SPATA21: variants seen among roughly 807,000 people sequenced by gnomAD.
The protein encoded by SPATA21 is spermatogenesis associated 21.
Under a neutral mutation model 54.8 loss-of-function variants are expected in SPATA21, and 47 were observed. That is an observed-to-expected ratio of 0.86 (90% CI 0.68 to 1.09). The LOEUF (loss-of-function observed/expected upper bound fraction) is 1.09, where lower values mean the gene tolerates loss of function less well. Ranked by LOEUF, SPATA21 falls within the 50% of genes least tolerant of loss-of-function variation. The probability of loss-of-function intolerance (pLI) is 0.00; values close to 1 mark genes in which losing one functional copy is unlikely to be tolerated. For missense variants in SPATA21, 599 were observed against 596.4 expected (o/e 1.00, Z -0.05); for synonymous variants, 245 against 235.3 (o/e 1.04, Z -0.38).
At position 16,402,889 on chromosome 1, in the gene SPATA21, ACACTT is replaced by A. The variant is rs571288973; in HGVS notation, c.1001+833_1001+837del. Among the ~76,000 whole-genome samples, 20 of 152,278 alleles carry A rather than the reference ACACTT, an allele frequency of 1.3e-4. No homozygotes were observed. The East Asian group carries it at 2.5e-3, about 19-fold the overall frequency. On this transcript the variant is annotated intron_variant, in intron 10 of 12. Transcript: ENST00000335496. ...TGCAGTGAGTCGTAATTGTATCACT[ACACTT>A]CAGCCTGGGCGACAGAGCGAGACCC...
chr1:16,421,268 T>C lies in SPATA21; in HGVS notation c.144+241A>G, dbSNP rs1438035762. On this transcript the variant is annotated intron_variant, in intron 5 of 12. Coordinates refer to ENST00000335496, the MANE Select transcript of SPATA21 (RefSeq NM_198546.1). The surrounding 1 kb of genome is among the most constrained non-coding windows in gnomAD (Gnocchi z 5.2). Reference sequence around the variant, plus strand: ...TGGGATGAACCCAAGGGCTCCAGAGTGTAAGAGCATTCTTGATGCCCACCC... The same window carrying C: ...TGGGATGAACCCAAGGGCTCCAGAGCGTAAGAGCATTCTTGATGCCCACCC... 6.6e-6 allele frequency among the ~76,000 whole-genome samples: 1 copy of C among 151,586 alleles called. No individual in the cohort carries two copies. Among genetic ancestry groups the C allele is most frequent in the East Asian group, 1.9e-4 (1 of 5,168 alleles).
In SPATA21 at chr1:16,429,704, C is replaced by A. The variant is rs180752007; in HGVS notation, c.34+1634G>T. Among the ~76,000 whole-genome samples, 1,245 of 146,996 alleles carry A rather than the reference C, an allele frequency of 8.5e-3. 10 individuals carry two copies. Among genetic ancestry groups the A allele is most frequent in the Admixed American group, 0.013 (187 of 14,798 alleles). ...GGTCAGGCTGGTCTTGAACTCCCGA[C>A]CTCAGGTGATCCACCCGCCTCGGCC... is the stretch of plus-strand genomic sequence containing the variant. On this transcript the variant is annotated intron_variant, in intron 3 of 12. Coordinates refer to ENST00000335496, the MANE Select transcript of SPATA21 (RefSeq NM_198546.1).
Position 16,405,120 on chromosome 1 carries a change from G to C in SPATA21, c.674-16C>G, listed in dbSNP as rs377295551. ...CTGCGGAAGGCTGTGGGGAGGGCAG[G>C]GTTATGTGGAGTGGGGGCATTTCTT... On this transcript the variant is annotated splice_polypyrimidine_tract_variant and intron_variant, in intron 7 of 12. Transcript: ENST00000335496. The C allele has an allele frequency of 8.1e-6, 13 of 1,596,332 alleles. No individual in the cohort carries two copies. The African/African-American group carries it at 1.6e-4, about 20-fold the overall frequency.
At chr1:16,403,935 A>G in intron 9 of SPATA21, 33 bp downstream of exon 9, 2 of 1,610,878 alleles carry the variant, frequency 1.2e-6, no homozygotes, top group Non-Finnish European at 1.7e-6. Context: ...CCCCTCCTCC[A>G]GTTCTGACTA....
At position 16,421,536 on chromosome 1, in the gene SPATA21, G is replaced by T. The variant is rs773470435; in HGVS notation, c.117C>A (p.His39Gln). The change falls in exon 5 of 13, where the codon CAC becomes CAA. Residue 39 changes from histidine (H) to glutamine (Q), a missense_variant. Physicochemically the swap from His to Gln is conservative, Grantham distance 24. Coordinates refer to ENST00000335496, the MANE Select transcript of SPATA21 (RefSeq NM_198546.1). The surrounding 1 kb of genome is among the most constrained non-coding windows in gnomAD (Gnocchi z 5.2). ...GTGGAGGAAGAGGCCCCGGTGCTGG[G>T]TGGGTCTCCACAGCCTCACCCCTGA... ...AKGGGEAVET[H>Q]PAPGPLPPPE... is the part of the protein sequence containing the mutation. 2 of 1,613,612 alleles carry T rather than the reference G, an allele frequency of 1.2e-6. No homozygotes were observed. The highest frequency in any genetic ancestry group is 1.7e-5 in the Admixed American group (1 of 59,960).
chr1:16,422,336 T>G, intron 3 of SPATA21: 71 of 663,932 alleles, frequency 1.1e-4, no homozygotes, highest in Non-Finnish European at 1.4e-4. Context: ...TTAATTCTCC[T>G]AGTGCCCCTA....
intron 5 of SPATA21, among the ~76,000 whole-genome samples, chr1:16,416,576 G>T (rs1038894617): frequency 9.9e-5 from 15 of 152,028 alleles, no homozygotes; most frequent in African/African-American, 3.4e-4. Context: ...TACTTGGGAG[G>T]CTGAGGCGGG....
chr1:16,436,878 A>G (rs766562564), intron 1 of SPATA21, among the ~76,000 whole-genome samples: 3 of 152,124 alleles, frequency 2.0e-5, no homozygotes, highest in Admixed American at 1.3e-4. Flanking sequence ...ATAAATAAAT[A>G]AATAAATAAA....
Position 16,431,426 on chromosome 1 carries a change from C to T in SPATA21, c.-51-4G>A, listed in dbSNP as rs2086455392. On this transcript the variant is annotated splice_polypyrimidine_tract_variant and splice_region_variant and intron_variant, in intron 2 of 12. Coordinates refer to ENST00000335496, the MANE Select transcript of SPATA21 (RefSeq NM_198546.1). The stretch of plus-strand genomic sequence containing the variant: ...AGGGGCATCACCTAGTGTGCTCCTA[C>T]AGGAGAAATCCAATCAAGCGTCCCA... 3 of 1,607,574 alleles carry T rather than the reference C, an allele frequency of 1.9e-6. No homozygotes were observed. The highest frequency in any genetic ancestry group is 2.2e-5 in the East Asian group (1 of 44,794).
chr1:16,399,048 C>T (rs1343095145), intron 12 of SPATA21, among the ~76,000 whole-genome samples: 1 of 152,164 alleles, frequency 6.6e-6, no homozygotes, highest in Non-Finnish European at 1.5e-5. Context: ...TGCCCAGGTG[C>T]ACAGTCTGCT....
chr1:16,420,492 G>A (rs1385178612), intron 5 of SPATA21, among the ~76,000 whole-genome samples: 1 of 151,996 alleles, frequency 6.6e-6, no homozygotes, highest in South Asian at 2.1e-4. Context: ...ACTCCAGCCT[G>A]GGCAACAGAG....
chr1:16,417,611 G>A (rs1324474483), intron 5 of SPATA21, among the ~76,000 whole-genome samples: 1 of 151,634 alleles, frequency 6.6e-6, no homozygotes, highest in African/African-American at 2.4e-5. Context: ...TGTATTTTTA[G>A]TAGAGACGGG....
chr1:16,427,602 T>C (rs948223467), intron 3 of SPATA21, among the ~76,000 whole-genome samples: 6 of 152,140 alleles, frequency 3.9e-5, no homozygotes, highest in African/African-American at 1.2e-4. Flanking sequence ...GTACTAGGCA[T>C]GAGGGCTTTG....
At chr1:16,414,773 T>A (rs948013695) in intron 5 of SPATA21, among the ~76,000 whole-genome samples, 1 of 150,530 alleles carries the variant, frequency 6.6e-6, no homozygotes, top group African/African-American at 2.4e-5. Flanking sequence ...ATGCCTGTAA[T>A]CCCAGCTACT....
Position 16,431,364 on chromosome 1 carries a change from T to C in SPATA21, c.8A>G (p.Asn3Ser), listed in dbSNP as rs2086453249. 1.9e-6 allele frequency: 3 copies of C among 1,613,968 alleles called. No individual in the cohort carries two copies. The highest frequency in any genetic ancestry group is 2.2e-5 in the East Asian group (1 of 44,884). The change falls in exon 3 of 13, where the codon AAT becomes AGT. Residue 3 changes from asparagine to serine, a missense_variant. Asn to Ser is a conservative substitution (Grantham distance 46). Coordinates refer to ENST00000335496, the MANE Select transcript of SPATA21 (RefSeq NM_198546.1). ...CTCCGTGTACATCTGGGTGTTTCTA[T>C]TGTCCATGATGCCAGCGCCAACACG... MD[N>S]RNTQMYTEEE...
chr1:16,425,465 C>T, intron 3 of SPATA21: 1 of 1,511,418 alleles, frequency 6.6e-7, no homozygotes, highest in South Asian at 1.2e-5. Flanking sequence ...GAGGGGGGCT[C>T]TTTCACCTCC....
chr1:16,433,935 C>A (rs534354184), intron 1 of SPATA21, among the ~76,000 whole-genome samples: 13 of 152,240 alleles, frequency 8.5e-5, no homozygotes, highest in African/African-American at 3.1e-4. Context: ...GTTGTACCAC[C>A]CTCGCCCTAA....
rs895844232 is a variant in SPATA21 at position 16,413,086 on chromosome 1, A to AT, written c.145-3044dup. On this transcript the variant is annotated intron_variant, in intron 5 of 12. Coordinates refer to ENST00000335496, the MANE Select transcript of SPATA21 (RefSeq NM_198546.1). ...CGTGAGCCACCACGCCCGGCCAACG[A>AT]TTTTTTTTTTAGAGACAGTGTCCTG... 1.4e-4 allele frequency among the ~76,000 whole-genome samples: 21 copies of AT among 149,190 alleles called. No individual in the cohort carries two copies. The East Asian group carries it at 2.8e-3, about 20-fold the overall frequency.
At chr1:16,402,026 A>G (rs1265987785) in intron 10 of SPATA21, among the ~76,000 whole-genome samples, 1 of 152,050 alleles carries the variant, frequency 6.6e-6, no homozygotes, top group East Asian at 1.9e-4. Flanking sequence ...AGGGTGCCGC[A>G]GTGGCCACTT....
Sources: gnomAD v4.1 joint callset for allele counts (sites outside exome capture counted in the v4.1 genomes callset) on GRCh38, gnomAD v4.1.1 for gene constraint, Gnocchi (gnomAD v3.1) non-coding constraint, MANE v1.5 for transcripts, NCBI Gene and HGNC (gene_info 2026-07-23, HGNC 2026-07-21) for gene names.